Variants in TFIP11 observed in about 807,000 individuals in gnomAD.
TFIP11 encodes the protein tuftelin-interacting protein 11.
Under a neutral mutation model 96.8 loss-of-function variants are expected in TFIP11, and 86 were observed. The observed-to-expected ratio is 0.89, with a 90% CI of 0.75 to 1.06. The LOEUF is 1.06. Ranked by LOEUF, TFIP11 falls within the 50% of genes least tolerant of loss-of-function variation. The pLI, the probability that TFIP11 is intolerant of heterozygous loss-of-function variation, is 0.00. For missense variants in TFIP11, 881 were observed against 1,076.7 expected (o/e 0.82, Z 2.54); for synonymous variants, 405 against 395.2 (o/e 1.02, Z -0.29).
intron 7 of TFIP11, among the ~76,000 whole-genome samples, chr22:26,502,574 C>A (rs1038451281): frequency 1.3e-5 from 2 of 152,174 alleles, no homozygotes; most frequent in Admixed American, 6.5e-5. Flanking sequence ...CTGAATACGG[C>A]CTGTTTACGA....
At position 26,494,156 on chromosome 22, in the gene TFIP11, G is replaced by A. The variant is rs190854539; in HGVS notation, c.2141C>T (p.Ala714Val). ...TCACTTACCAACGTTGGAGGACACC[G>A]CCCGGTTCATGATATCAAGTGCCTC... is the stretch of plus-strand genomic sequence containing the variant. ...FNEALDIMNR[A>V]VSSNVGAYMQ... Residue 714 changes from alanine (A) to valine (V), a missense_variant, in exon 14 of 15, where the codon GCG becomes GTG. Transcript: ENST00000407690. The A allele has an allele frequency of 1.4e-5, 23 of 1,613,980 alleles. No individual in the cohort carries two copies. Among genetic ancestry groups the A allele is most frequent in the East Asian group, 4.5e-5 (2 of 44,898 alleles).
intron 10 of TFIP11, among the ~76,000 whole-genome samples, chr22:26,498,541 C>CA (rs10716815): frequency 0.026 from 2,129 of 83,422 alleles, 69 homozygotes; most frequent in African/African-American, 0.07. Context: ...GACTCCATCT[C>CA]AAAAAAAAAA....
intron 6 of TFIP11, among the ~76,000 whole-genome samples, chr22:26,505,696 C>CTATTTATT (rs67577358): frequency 5.1e-4 from 73 of 143,300 alleles, no homozygotes; most frequent in Middle Eastern, 3.4e-3. Context: ...TTTATTTATT[C>CTATTTATT]TATTTATTTA....
At chr22:26,494,582 C>CT in intron 13 of TFIP11, 1 of 749,174 alleles carries the variant, frequency 1.3e-6, no homozygotes, top group Non-Finnish European at 2.1e-6. Context: ...CTGAGAGGAG[C>CT]TGAGATAAAG....
At chr22:26,498,846 C>CA (rs1488582923) in intron 10 of TFIP11, 23 bp downstream of exon 10, 1 of 1,600,956 alleles carries the variant, frequency 6.2e-7, no homozygotes, top group African/African-American at 1.3e-5. Flanking sequence ...AGCTGGGGTA[C>CA]AGAGCCCTGC....
chr22:26,496,579 G>A (rs1305574222), intron 11 of TFIP11, 142 bp downstream of exon 11: 2 of 1,157,788 alleles, frequency 1.7e-6, no homozygotes, highest in Non-Finnish European at 2.4e-6. Flanking sequence ...AAAAAGGCTG[G>A]AATTAACACT....
chr22:26,491,462 G>A lies in TFIP11; in HGVS notation c.*551C>T. 6.2e-7 allele frequency: 1 copy of A among 1,609,144 alleles called. No homozygotes were observed. Among genetic ancestry groups the A allele is most frequent in the Non-Finnish European group, 8.5e-7 (1 of 1,178,300 alleles). ...TTTTATACTTGAATTTTTCTGCTCA[G>A]ATTTTAAAAGGACTGGAGGAGCTTG... On this transcript the variant is annotated 3_prime_UTR_variant, in exon 15 of 15. Coordinates refer to ENST00000407690, the MANE Select transcript of TFIP11 (RefSeq NM_012143.4).
At chr22:26,496,462 G>A (rs1922062785) in intron 11 of TFIP11, 146 bp from the exon 12 acceptor site, 10 of 1,163,802 alleles carry the variant, frequency 8.6e-6, no homozygotes, top group East Asian at 2.5e-5. Context: ...AAACAAATAT[G>A]CCCATCCATT....
intron 5 of TFIP11, 96 bp from the exon 6 acceptor site, chr22:26,506,555 C>A: frequency 1.4e-6 from 2 of 1,468,010 alleles, no homozygotes; most frequent in South Asian, 2.7e-5. Flanking sequence ...CTAAGTTATA[C>A]AGCACTATGA....
At chr22:26,512,214 C>T (rs940482122) in intron 1 of TFIP11, 39 bp from the exon 2 acceptor site, 1 of 152,246 alleles carries the variant, frequency 6.6e-6, no homozygotes, top group Non-Finnish European at 1.5e-5. Flanking sequence ...TTAAATGAAT[C>T]CAAGCCCTAA....
At position 26,496,733 on chromosome 22, in the gene TFIP11, C is replaced by T; in HGVS notation, c.1593G>A (p.Lys531=). ...ACTCTCATCCCACCTCCTTTTGCAG[C>T]TTGGGGAAGATGAGTTGGTCCAGTA... ...DNILDQLIFP[K]LQKEVENWNP... The change falls in exon 11 of 15, where the codon AAG becomes AAA. Residue 531 remains lysine (K), a synonymous_variant. Transcript: ENST00000407690. The T allele has an allele frequency of 6.2e-7, 1 of 1,614,016 alleles. No individual in the cohort carries two copies.
Position 26,503,770 on chromosome 22 carries a change from T to G in TFIP11, c.544A>C (p.Lys182Gln). Residue 182 changes from lysine to glutamine, a missense_variant, in exon 7 of 15, where the codon AAG becomes CAG. Lys to Gln is a moderately conservative substitution (Grantham distance 53). Coordinates refer to ENST00000407690, the MANE Select transcript of TFIP11 (RefSeq NM_012143.4). ...ACAGCACCTTTTCCCTTTCTCTGCT[T>G]GGCTTCAATTGGGTTAATGATACCT... ...AQGIINPIEA[K>Q]QRKGKGAVGA... The G allele has an allele frequency of 6.2e-7, 1 of 1,613,752 alleles. No homozygotes were observed. The highest frequency in any genetic ancestry group is 1.1e-5 in the South Asian group (1 of 91,060).
At chr22:26,502,925 C>T (rs134134) in intron 7 of TFIP11, among the ~76,000 whole-genome samples, 24,750 of 152,178 alleles carry the variant, frequency 0.16, 2,644 homozygotes, top group African/African-American at 0.3. Flanking sequence ...CTTCTGAGAA[C>T]ACCTGACTCA....
chr22:26,496,068 C>G lies in TFIP11; in HGVS notation c.1849+5G>C. The G allele has an allele frequency of 1.2e-6, 2 of 1,613,202 alleles. No homozygotes were observed. Among genetic ancestry groups the G allele is most frequent in the Non-Finnish European group, 1.7e-6 (2 of 1,179,780 alleles). ...GGCTTGGAATGCATTTCCCCTTATC[C>G]TTACCCAGCTTGGGCACTATGTTTT... On this transcript the variant is annotated splice_donor_5th_base_variant and intron_variant, in intron 12 of 14. Transcript: ENST00000407690.
At chr22:26,493,285 C>T (rs1487013289) in intron 14 of TFIP11, 3 of 152,276 alleles carry the variant, frequency 2.0e-5, no homozygotes, top group Admixed American at 1.3e-4. Flanking sequence ...CTCGGCCTCC[C>T]AAAGTGCTAG....
At position 26,499,581 on chromosome 22, in the gene TFIP11, C is replaced by G; in HGVS notation, c.852G>C (p.Gln284His). The G allele has an allele frequency of 6.2e-7, 1 of 1,614,058 alleles. No homozygotes were observed. The highest frequency in any genetic ancestry group is 1.1e-5 in the South Asian group (1 of 91,078). Residue 284 changes from glutamine to histidine, a missense_variant, in exon 9 of 15, where the codon CAG (glutamine) becomes CAC (histidine). Transcript: ENST00000407690. ...REQKVYYSYS[Q>H]ISHKHNVPDD... The stretch of plus-strand genomic sequence containing the variant: ...CGGGAACGTTGTGCTTGTGGCTGAT[C>G]TGACTGTAGCTGTAGTAGACCTTCT...
chr22:26,506,970 C>T, intron 4 of TFIP11, 42 bp from the exon 5 acceptor site: 1 of 1,599,320 alleles, frequency 6.3e-7, no homozygotes, highest in Non-Finnish European at 8.5e-7. Context: ...CGGTAAAGAA[C>T]TCTTTTCTCT....
At chr22:26,503,535 C>T in intron 7 of TFIP11, 131 bp downstream of exon 7, 8 of 1,179,848 alleles carry the variant, frequency 6.8e-6, no homozygotes, top group Non-Finnish European at 9.5e-6. Flanking sequence ...TGCACCTAGC[C>T]TTCAGCCCAG....
intron 1 of TFIP11, 35 bp from the exon 2 acceptor site, chr22:26,512,210 G>A (rs761432331): frequency 3.3e-5 from 5 of 152,210 alleles, no homozygotes; most frequent in Non-Finnish European, 7.3e-5. Flanking sequence ...GTTCTTAAAT[G>A]AATCCAAGCC....
Sources: allele counts gnomAD v4.1 joint callset (sites outside exome capture counted in the v4.1 genomes callset), GRCh38; gene constraint gnomAD v4.1.1; transcripts MANE v1.5; gene names NCBI Gene and HGNC (gene_info 2026-07-23, HGNC 2026-07-21).